The following NOL10 variants were observed in gnomAD, a reference collection of about 807,000 sequenced individuals.
NOL10 encodes the protein nucleolar protein 10.
NOL10 carries 58 observed loss-of-function variants against 103.5 expected under a neutral mutation model. That is an observed-to-expected ratio of 0.56 (90% CI 0.45 to 0.70). The LOEUF (loss-of-function observed/expected upper bound fraction) is 0.70, where lower values mean the gene tolerates loss of function less well. Ranked by LOEUF, NOL10 falls within the 30% of genes least tolerant of loss-of-function variation. NOL10 has a pLI of 0.00. For missense variants in NOL10, 763 were observed against 807.3 expected, an observed-to-expected ratio of 0.95 and a Z score of 0.67; for synonymous variants, 287 against 282.5, an observed-to-expected ratio of 1.02 and a Z score of -0.16.
At position 10,572,093 on chromosome 2, in the gene NOL10, T is replaced by C; in HGVS notation, c.2045A>G (p.Lys682Arg). The C allele has an allele frequency of 6.2e-7, 1 of 1,613,958 alleles. No individual in the cohort carries two copies. Among genetic ancestry groups the C allele is most frequent in the Non-Finnish European group, 8.5e-7 (1 of 1,179,900 alleles). ...RSAGHLKSRH[K>R]RGRSFH ...AAATCAATGAAACGACCGTCCTCTT[T>C]TGTGTCTTGACTTCAGGTGTCCGGC... Residue 682 changes from lysine (K) to arginine (R), a missense_variant, in exon 21 of 21, where the codon AAA becomes AGA. Lys to Arg is a conservative substitution (Grantham distance 26). Coordinates refer to ENST00000381685, the MANE Select transcript of NOL10 (RefSeq NM_024894.4).
chr2:10,640,972 C>A (rs562780181), intron 13 of NOL10, among the ~76,000 whole-genome samples: 1 of 150,824 alleles, frequency 6.6e-6, no homozygotes, highest in South Asian at 2.1e-4. Context: ...TCACTTGAGG[C>A]TAGGAGTTCA....
chr2:10,662,676 A>G (rs573611522), intron 9 of NOL10, among the ~76,000 whole-genome samples: 1 of 152,312 alleles, frequency 6.6e-6, no homozygotes, highest in African/African-American at 2.4e-5. Flanking sequence ...TCCTGGTTCT[A>G]TCACTAGATT....
intron 19 of NOL10, among the ~76,000 whole-genome samples, chr2:10,581,452 T>C (rs1352440031): frequency 6.6e-6 from 1 of 152,194 alleles, no homozygotes; most frequent in African/African-American, 2.4e-5. Flanking sequence ...ATGAAGTATT[T>C]ATGCAGCCAG....
chr2:10,672,280 T>C (rs149866266), intron 5 of NOL10, among the ~76,000 whole-genome samples: 136 of 152,274 alleles, frequency 8.9e-4, no homozygotes, highest in African/African-American at 3.1e-3. Context: ...TGAGCCGAGA[T>C]TGTGCCGTTG....
At chr2:10,627,705 A>AC (rs1677566358) in intron 13 of NOL10, among the ~76,000 whole-genome samples, 1 of 151,502 alleles carries the variant, frequency 6.6e-6, no homozygotes, top group Non-Finnish European at 1.5e-5. Context: ...CAAACAAAAA[A>AC]AAACAAACAA....
At chr2:10,607,385 G>A in intron 13 of NOL10, 74 bp from the exon 14 acceptor site, 1 of 1,450,068 alleles carries the variant, frequency 6.9e-7, no homozygotes, top group South Asian at 1.6e-5. Context: ...TTTATAACCA[G>A]ATTTTGTTAA....
At chr2:10,586,036 G>A (rs190510440) in intron 19 of NOL10, among the ~76,000 whole-genome samples, 43 of 152,278 alleles carry the variant, frequency 2.8e-4, no homozygotes, top group African/African-American at 9.6e-4. Context: ...ACATTATACA[G>A]TTCCCTTTAC....
At chr2:10,630,861 C>CT (rs1374618704) in intron 13 of NOL10, among the ~76,000 whole-genome samples, 1 of 152,178 alleles carries the variant, frequency 6.6e-6, no homozygotes, top group Non-Finnish European at 1.5e-5. Context: ...CTGATGAATC[C>CT]TTTAGTGTGG....
At chr2:10,685,637 A>G (rs1682142967) in intron 1 of NOL10, among the ~76,000 whole-genome samples, 1 of 152,162 alleles carries the variant, frequency 6.6e-6, no homozygotes, top group Admixed American at 6.5e-5. Flanking sequence ...GTGTGAATAA[A>G]AATCGTAGCC....
rs1198227702 is a variant in NOL10 at position 10,589,740 on chromosome 2, A to G, written c.1434T>C (p.Asn478=). 1 of 1,533,436 alleles carries G rather than the reference A, an allele frequency of 6.5e-7. No individual in the cohort carries two copies. The allele number at this position is 1,533,436 out of a possible 1,614,324, so 95.0% of individuals were successfully genotyped here. A position where few individuals can be genotyped will look rare whatever the true frequency, so the allele number is the denominator to read the frequency against. The stretch of plus-strand genomic sequence containing the variant: ...CTTTAAATCGATCATCGGTGAGAAT[A>G]TTAGGAAGACTCTACAAGGAGGAAA... The part of the protein sequence containing the change: ...TWKKKVKSLP[N]ILTDDRFKVM... Residue 478 remains asparagine, a synonymous_variant, in exon 18 of 21, where the codon AAT becomes AAC. Coordinates refer to ENST00000381685, the MANE Select transcript of NOL10 (RefSeq NM_024894.4).
At chr2:10,641,616 C>G (rs1161119058) in intron 13 of NOL10, among the ~76,000 whole-genome samples, 3 of 152,172 alleles carry the variant, frequency 2.0e-5, no homozygotes, top group Non-Finnish European at 4.4e-5. Flanking sequence ...TTAATATTCT[C>G]CTGCCTCTTC....
intron 1 of NOL10, among the ~76,000 whole-genome samples, chr2:10,684,919 C>A (rs1682047370): frequency 6.6e-6 from 1 of 152,186 alleles, no homozygotes; most frequent in Admixed American, 6.6e-5. Flanking sequence ...ACCGAAGGCT[C>A]AAACTCCTGG....
intron 17 of NOL10, among the ~76,000 whole-genome samples, chr2:10,595,179 A>AGAGAGAGAGAGAGAGAGAGAG (rs1675609787): frequency 6.8e-6 from 1 of 147,794 alleles, no homozygotes; most frequent in Non-Finnish European, 1.5e-5. Context: ...AGAGAGAGAG[A>AGAGAGAGAGAGAGAGAGAGAG]TTTATACCAA....
intron 12 of NOL10, among the ~76,000 whole-genome samples, chr2:10,649,040 G>A (rs888955164): frequency 2.6e-5 from 4 of 152,130 alleles, no homozygotes; most frequent in Non-Finnish European, 5.9e-5. Flanking sequence ...CTGGATGTAA[G>A]ATAATATTAG....
chr2:10,665,070 A>C (rs912512054), intron 8 of NOL10, among the ~76,000 whole-genome samples: 5 of 152,232 alleles, frequency 3.3e-5, no homozygotes, highest in African/African-American at 1.2e-4. Context: ...AAACCCTTCA[A>C]TATACTTAGG....
chr2:10,684,570 C>T lies in NOL10; in HGVS notation c.109G>A (p.Val37Ile). 1 of 1,574,954 alleles carries T rather than the reference C, an allele frequency of 6.3e-7. No individual in the cohort carries two copies. Among genetic ancestry groups the T allele is most frequent in the Non-Finnish European group, 8.6e-7 (1 of 1,158,406 alleles). ...AGTGGGAAAAAACAATACTCACCTA[C>T]ATCTTTCTTCTGTAGCGCTCTCTTC... ...RKKRALQKKDVDVRRRIELIQ... is the reference protein window; with the variant it reads ...RKKRALQKKDIDVRRRIELIQ... The change falls in exon 2 of 21, where the codon GTA becomes ATA. Residue 37 changes from valine to isoleucine, a missense_variant. Transcript: ENST00000381685.
At chr2:10,681,432 T>A (rs972243730) in intron 3 of NOL10, among the ~76,000 whole-genome samples, 2 of 152,118 alleles carry the variant, frequency 1.3e-5, no homozygotes, top group Non-Finnish European at 1.5e-5. Context: ...TTGTCTATAT[T>A]GAAAAAAAAT....
intron 1 of NOL10, among the ~76,000 whole-genome samples, chr2:10,688,637 C>T (rs918129659): frequency 2.0e-4 from 30 of 152,232 alleles, no homozygotes; most frequent in African/African-American, 7.2e-4. Context: ...TCATTCACCA[C>T]GAAAAGTACT....
Position 10,602,847 on chromosome 2 carries a change from A to C in NOL10, c.1261T>G (p.Tyr421Asp). The C allele has an allele frequency of 6.2e-7, 1 of 1,608,756 alleles. No individual in the cohort carries two copies. Among genetic ancestry groups the C allele is most frequent in the Non-Finnish European group, 8.5e-7 (1 of 1,176,854 alleles). The change falls in exon 16 of 21, where the codon TAT becomes GAT. Residue 421 changes from tyrosine to aspartate, a missense_variant. By Grantham distance (160) the Tyr-to-Asp change is radical. Coordinates refer to ENST00000381685, the MANE Select transcript of NOL10 (RefSeq NM_024894.4). ...ATTTTATCTTTCCTATATTCTTCAT[A>C]AGCAAATGGATTTACCATCAGTTTC... Reference protein sequence around the residue: ...KVKLMVNPFAYEEYRKDKIRQ... With the variant: ...KVKLMVNPFADEEYRKDKIRQ...
Sources: gnomAD v4.1 joint callset for allele counts (sites outside exome capture counted in the v4.1 genomes callset) on GRCh38, gnomAD v4.1.1 for gene constraint, MANE v1.5 for transcripts, NCBI Gene and HGNC (gene_info 2026-07-23, HGNC 2026-07-21) for gene names.